WDFY3: variants seen among roughly 807,000 people sequenced by gnomAD.
WDFY3 encodes the protein WD repeat and FYVE domain-containing protein 3.
Under a neutral mutation model 409.6 loss-of-function variants are expected in WDFY3, and 66 were observed. The observed-to-expected ratio is 0.16, with a 90% confidence interval of 0.13 to 0.20. The LOEUF is 0.20. Ranked by LOEUF, WDFY3 falls within the 10% of genes least tolerant of loss-of-function variation. The probability of loss-of-function intolerance (pLI) is 1.00; values close to 1 mark genes in which losing one functional copy is unlikely to be tolerated. For missense variants in WDFY3, 3,031 were observed against 4,298.1 expected, an observed-to-expected ratio of 0.71 and a Z score of 8.24; for synonymous variants, 1,521 against 1,537.1, an observed-to-expected ratio of 0.99 and a Z score of 0.25.
chr4:84,943,240 A>G (rs1006503144), intron 1 of WDFY3, among the ~76,000 whole-genome samples: 27 of 152,216 alleles, frequency 1.8e-4, no homozygotes, highest in African/African-American at 6.0e-4. Context: ...GGTGGCTCAC[A>G]CCTGTAATCC....
chr4:84,936,742 G>GA (rs565786724), intron 1 of WDFY3, among the ~76,000 whole-genome samples: 5 of 149,176 alleles, frequency 3.4e-5, no homozygotes, highest in African/African-American at 7.4e-5. Context: ...CATCATACAA[G>GA]AAAAAAAAAA....
At chr4:84,744,351 T>TA (rs1379479052) in intron 36 of WDFY3, among the ~76,000 whole-genome samples, 1 of 151,584 alleles carries the variant, frequency 6.6e-6, no homozygotes, top group Non-Finnish European at 1.5e-5. Flanking sequence ...GGAGGGGAAA[T>TA]ACATTTGTAA....
intron 58 of WDFY3, among the ~76,000 whole-genome samples, chr4:84,694,384 A>G (rs946738193): frequency 6.6e-6 from 1 of 152,120 alleles, no homozygotes; most frequent in African/African-American, 2.4e-5. Flanking sequence ...CTATTACTCA[A>G]TGTGTGTCCC....
In WDFY3 at chr4:84,671,471, T is replaced by C. The variant is rs1725433820; in HGVS notation, c.*1397A>G. 1.3e-5 allele frequency: 2 copies of C among 150,314 alleles called. No individual in the cohort carries two copies. Among genetic ancestry groups the C allele is most frequent in the African/African-American group, 2.4e-5 (1 of 41,084 alleles). The allele number at this position is 150,314 out of a possible 1,614,324, so 9.3% of individuals were successfully genotyped here. On this transcript the variant is annotated 3_prime_UTR_variant, in exon 68 of 68. Coordinates refer to ENST00000295888, the MANE Select transcript of WDFY3 (RefSeq NM_014991.6). The stretch of plus-strand genomic sequence containing the variant: ...CTGAAAATGTTAAAATCTAGATTAA[T>C]TGTTTCATTTTTAATATATATTATA...
intron 3 of WDFY3, among the ~76,000 whole-genome samples, chr4:84,862,909 C>T (rs1010131293): frequency 8.5e-5 from 13 of 152,178 alleles, no homozygotes; most frequent in African/African-American, 1.7e-4. Context: ...CTCTCTACTT[C>T]GGTGAGTTTG....
At chr4:84,950,250 G>C (rs890396479) in intron 1 of WDFY3, among the ~76,000 whole-genome samples, 7 of 151,780 alleles carry the variant, frequency 4.6e-5, no homozygotes, top group African/African-American at 1.7e-4. Context: ...AGCTATCGGG[G>C]GTTGGGGGGC....
chr4:84,808,289 G>C (rs571953675), intron 15 of WDFY3, 45 bp downstream of exon 15: 2 of 1,460,160 alleles, frequency 1.4e-6, no homozygotes, highest in South Asian at 2.5e-5. Context: ...AGAAAAAAAG[G>C]AACCCCACAC....
intron 32 of WDFY3, among the ~76,000 whole-genome samples, chr4:84,758,259 C>T (rs755855326): frequency 1.3e-5 from 2 of 151,966 alleles, no homozygotes; most frequent in Admixed American, 1.3e-4. Flanking sequence ...ATTATTTATT[C>T]TTTAAGATCT....
chr4:84,928,549 T>G (rs1422317573), intron 2 of WDFY3, among the ~76,000 whole-genome samples: 1 of 152,202 alleles, frequency 6.6e-6, no homozygotes, highest in African/African-American at 2.4e-5. Context: ...TGGTAAGAAC[T>G]GCTAGCTGGA....
Position 84,693,030 on chromosome 4 carries a change from T to C in WDFY3, c.8904A>G (p.Leu2968=). ...GCTTTGGTGGATGAGGTTTTTTAAA[T>C]AACTGGTATGAAAGAAGATGACTCA... ...INNFGQIPKQ[L]FKKPHPPKRV... The change falls in exon 59 of 68, where the codon TTA becomes TTG. Residue 2968 remains leucine (L), a splice_region_variant and synonymous_variant. Transcript: ENST00000295888. 6.2e-7 allele frequency: 1 copy of C among 1,610,986 alleles called. No individual in the cohort carries two copies. Among genetic ancestry groups the C allele is most frequent in the Admixed American group, 1.7e-5 (1 of 59,108 alleles).
intron 10 of WDFY3, among the ~76,000 whole-genome samples, chr4:84,824,105 T>C (rs1262877315): frequency 1.3e-5 from 2 of 152,180 alleles, no homozygotes; most frequent in Admixed American, 6.5e-5. Context: ...TTCTGATACA[T>C]GCAATAACAT....
intron 51 of WDFY3, among the ~76,000 whole-genome samples, chr4:84,711,515 C>T (rs1042001188): frequency 6.6e-5 from 10 of 152,020 alleles, no homozygotes; most frequent in African/African-American, 2.2e-4. Context: ...AAGAAATATA[C>T]ATTAAAAATC....
rs1330728726 is a variant in WDFY3, at chr4:84,670,806, A to G, written c.*2062T>C. The G allele has an allele frequency of 6.6e-6, 1 of 152,574 alleles. No homozygotes were observed. Among genetic ancestry groups the G allele is most frequent in the Non-Finnish European group, 1.5e-5 (1 of 68,046 alleles). 9.5% of individuals were successfully genotyped at this position (152,574 alleles called of 1,614,324 possible). Reference sequence around the variant, plus strand: ...AGACAGGGGCAAGGCCCACAGTTACATAATAGCACAATTTCTGCAACTGTT... The same window carrying G: ...AGACAGGGGCAAGGCCCACAGTTACGTAATAGCACAATTTCTGCAACTGTT... On this transcript the variant is annotated 3_prime_UTR_variant, in exon 68 of 68. Transcript: ENST00000295888.
At chr4:84,790,441 A>C (rs1748319828) in intron 21 of WDFY3, among the ~76,000 whole-genome samples, 1 of 152,182 alleles carries the variant, frequency 6.6e-6, no homozygotes, top group Admixed American at 6.5e-5. Context: ...TGAAACCTAG[A>C]ATGTATTTTT....
chr4:84,844,803 G>A (rs1757859795), intron 5 of WDFY3, among the ~76,000 whole-genome samples: 1 of 152,154 alleles, frequency 6.6e-6, no homozygotes, highest in South Asian at 2.1e-4. Context: ...TAGAAGAGAT[G>A]GGGGAAAATC....
chr4:84,777,225 A>G (rs1438820570), intron 27 of WDFY3, among the ~76,000 whole-genome samples: 5 of 152,110 alleles, frequency 3.3e-5, no homozygotes, highest in African/African-American at 9.7e-5. Flanking sequence ...AGAATTAAAA[A>G]TAAGTCTGGA....
rs1463539320 is a variant in WDFY3, at chr4:84,795,415, T to C, written c.3168-436A>G. Among the ~76,000 whole-genome samples, 5 of 151,880 alleles carry C rather than the reference T, an allele frequency of 3.3e-5. No individual in the cohort carries two copies. In the East Asian group the frequency reaches 9.7e-4, roughly 30 times the overall value. On this transcript the variant is annotated intron_variant, in intron 19 of 67. Transcript: ENST00000295888. ...TGATAATATTCTTAAAACACAGAGGTTTCAATCAATATAAGAATCCCACAA... is the reference window on the plus strand; with the variant it reads ...TGATAATATTCTTAAAACACAGAGGCTTCAATCAATATAAGAATCCCACAA...
Position 84,682,376 on chromosome 4 carries a change from A to G in WDFY3, c.9821T>C (p.Ile3274Thr), listed in dbSNP as rs760702979. Residue 3274 changes from isoleucine (I) to threonine (T), a missense_variant and splice_region_variant, in exon 64 of 68, where the codon ATA (isoleucine) becomes ACA (threonine). By Grantham distance (89) the Ile-to-Thr change is moderately conservative. This residue lies in a region of WDFY3 where 378 missense variants were observed against 477.3 expected (regional missense o/e 0.79). Transcript: ENST00000295888. ...EMQEDCPEAQ[I>T]GQEAQDEDSS... ...CATTTTTAGAAAGTATTAAATACCT[A>G]TTTGTGCTTCTGGACAGTCTTCCTG... 7 of 1,613,036 alleles carry G rather than the reference A, an allele frequency of 4.3e-6. No individual in the cohort carries two copies. Among genetic ancestry groups the G allele is most frequent in the Non-Finnish European group, 5.9e-6 (7 of 1,179,534 alleles).
chr4:84,960,545 A>C (rs1331621789), intron 1 of WDFY3, among the ~76,000 whole-genome samples: 1 of 152,246 alleles, frequency 6.6e-6, no homozygotes, highest in Non-Finnish European at 1.5e-5. Flanking sequence ...AACTGTTGAG[A>C]TGTTTAAACA....
Sources: allele counts gnomAD v4.1 joint callset (sites outside exome capture counted in the v4.1 genomes callset), GRCh38; gene constraint gnomAD v4.1.1; regional missense constraint gnomAD v4.1.1; transcripts MANE v1.5; gene names NCBI Gene and HGNC (gene_info 2026-07-23, HGNC 2026-07-21).